Variants in PTPRK observed in about 807,000 individuals in gnomAD.
PTPRK encodes protein tyrosine phosphatase receptor type K, also known as receptor-type tyrosine-protein phosphatase kappa.
PTPRK carries 75 observed loss-of-function variants against 178.0 expected under a neutral mutation model. The ratio of observed to expected loss-of-function variants is 0.42; its 90% CI spans 0.35 to 0.51. The LOEUF is 0.51. Among genes scored for constraint, PTPRK ranks in the 20% least tolerant of loss-of-function variants. The pLI is 0.02. For missense variants in PTPRK, 1,441 were observed against 1,797.8 expected, an observed-to-expected ratio of 0.80 and a Z score of 3.59; for synonymous variants, 637 against 620.6, an observed-to-expected ratio of 1.03 and a Z score of -0.39.
chr6:128,191,069 C>A (rs1222783104), intron 6 of PTPRK, among the ~76,000 whole-genome samples: 2 of 152,104 alleles, frequency 1.3e-5, no homozygotes, highest in African/African-American at 4.8e-5. Context: ...ACACGAGTAA[C>A]TTCTGAGAAC....
chr6:127,998,288 A>G (rs1777399182), intron 16 of PTPRK, among the ~76,000 whole-genome samples: 2 of 152,080 alleles, frequency 1.3e-5, no homozygotes, highest in South Asian at 2.1e-4. Flanking sequence ...TATTTAGAGC[A>G]CAAAGCTTCA....
intron 7 of PTPRK, among the ~76,000 whole-genome samples, chr6:128,147,208 A>G (rs1259362533): frequency 6.6e-6 from 1 of 152,182 alleles, no homozygotes; most frequent in African/African-American, 2.4e-5. Context: ...GATATTGGAA[A>G]CATTTATGAA....
intron 13 of PTPRK, among the ~76,000 whole-genome samples, chr6:128,026,682 C>T (rs2114780650): frequency 6.6e-6 from 1 of 152,222 alleles, no homozygotes; most frequent in South Asian, 2.1e-4. Context: ...GACAAGATTA[C>T]ATCATCTTGA....
intron 1 of PTPRK, among the ~76,000 whole-genome samples, chr6:128,440,541 G>A (rs1161965128): frequency 6.6e-6 from 1 of 152,096 alleles, no homozygotes; most frequent in Admixed American, 6.6e-5. Flanking sequence ...TTCCCATTCT[G>A]CAAGTAACTG....
At chr6:128,079,550 A>G (rs1000644608) in intron 10 of PTPRK, among the ~76,000 whole-genome samples, 1 of 152,042 alleles carries the variant, frequency 6.6e-6, no homozygotes, top group African/African-American at 2.4e-5. Context: ...TTAATTAGGG[A>G]CTAGGATCTT....
rs57385399 is a variant in PTPRK, at chr6:128,360,268, C to G, written c.223+37298G>C. Among the ~76,000 whole-genome samples the G allele has an allele frequency of 5.3e-3, 803 of 151,466 alleles. 7 individuals carry two copies. The highest frequency in any genetic ancestry group is 0.019 in the African/African-American group (778 of 41,370). On this transcript the variant is annotated intron_variant, in intron 2 of 29. Coordinates refer to ENST00000368226, the MANE Select transcript of PTPRK (RefSeq NM_002844.4). ...ACCTGGTCGCTTTAAGTGAGAAAAA[C>G]AAGTAACAGGCCAGAGTACTAAAAC...
chr6:128,383,671 G>A (rs1469992613), intron 2 of PTPRK, among the ~76,000 whole-genome samples: 1 of 152,050 alleles, frequency 6.6e-6, no homozygotes, highest in African/African-American at 2.4e-5. Flanking sequence ...TTTATCATAG[G>A]TCTATGTGCC....
chr6:128,208,840 A>G lies in PTPRK; in HGVS notation c.868+10082T>C, dbSNP rs373126539. Among the ~76,000 whole-genome samples the G allele has an allele frequency of 3.3e-5, 5 of 152,258 alleles. No homozygotes were observed. The East Asian group carries it at 7.7e-4, about 24-fold the overall frequency. ...CTTACCCACATTCCTAAAGATTTTA[A>G]AACTGGATATGTTCCTAGCACCCCA... is the stretch of plus-strand genomic sequence containing the variant. On this transcript the variant is annotated intron_variant, in intron 6 of 29. Transcript: ENST00000368226.
intron 15 of PTPRK, chr6:127,999,862 C>T (rs1332571365): frequency 6.0e-6 from 4 of 664,070 alleles, no homozygotes; most frequent in Non-Finnish European, 7.4e-6. Flanking sequence ...AAAAAGTCAA[C>T]TGAATCCCTG....
intron 11 of PTPRK, 117 bp downstream of exon 11, chr6:128,078,696 A>G (rs1784280245): frequency 1.8e-6 from 1 of 547,190 alleles, no homozygotes; most frequent in Non-Finnish European, 3.1e-6. Context: ...ATATAGAAAA[A>G]AACATAGTAC....
intron 1 of PTPRK, among the ~76,000 whole-genome samples, chr6:128,408,225 T>G (rs539167444): frequency 6.6e-6 from 1 of 151,990 alleles, no homozygotes; most frequent in Admixed American, 6.6e-5. Flanking sequence ...CCATCTCTAC[T>G]AAAAATACAA....
intron 1 of PTPRK, among the ~76,000 whole-genome samples, chr6:128,444,147 A>G (rs12333125): frequency 0.25 from 38,482 of 152,090 alleles, 5,294 homozygotes; most frequent in African/African-American, 0.34. Context: ...CAGCACTCCC[A>G]GCCTTCCTAG....
intron 3 of PTPRK, among the ~76,000 whole-genome samples, chr6:128,268,048 T>C (rs1819226441): frequency 6.6e-6 from 1 of 151,770 alleles, no homozygotes; most frequent in South Asian, 2.1e-4. Flanking sequence ...ACAAGAAAAA[T>C]TATATTATTC....
intron 7 of PTPRK, among the ~76,000 whole-genome samples, chr6:128,125,269 TG>T (rs1380705354): frequency 6.6e-6 from 1 of 152,188 alleles, no homozygotes; most frequent in African/African-American, 2.4e-5. Context: ...GATTGGATCA[TG>T]GTGGTGGTTT....
intron 1 of PTPRK, among the ~76,000 whole-genome samples, chr6:128,454,847 T>C (rs993455179): frequency 1.3e-5 from 2 of 152,136 alleles, no homozygotes; most frequent in Admixed American, 1.3e-4. Flanking sequence ...TTGAAAGCTA[T>C]ATTAACTTGA....
At chr6:128,042,117 G>C (rs6928693) in intron 13 of PTPRK, among the ~76,000 whole-genome samples, 4,658 of 151,832 alleles carry the variant, frequency 0.031, 250 homozygotes, top group African/African-American at 0.11. Flanking sequence ...TTTAACATTC[G>C]TATTTCTAAC....
intron 1 of PTPRK, among the ~76,000 whole-genome samples, chr6:128,490,153 A>AT (rs746475645): frequency 1.3e-4 from 20 of 152,192 alleles, no homozygotes; most frequent in Non-Finnish European, 2.2e-4. Context: ...ACAAAAAAAA[A>AT]TCTTTTCCAA....
chr6:128,120,335 T>C (rs1792256699), intron 7 of PTPRK, among the ~76,000 whole-genome samples: 1 of 151,984 alleles, frequency 6.6e-6, no homozygotes, highest in Non-Finnish European at 1.5e-5. Context: ...TTTTAACAAT[T>C]CTCACCTCAG....
At chr6:127,981,728 G>C (rs911931313) in intron 24 of PTPRK, among the ~76,000 whole-genome samples, 5 of 152,138 alleles carry the variant, frequency 3.3e-5, no homozygotes, top group African/African-American at 1.2e-4. Context: ...CTCTGCCCTT[G>C]ATTTTATTTT....
Sources: gnomAD v4.1 joint callset for allele counts (sites outside exome capture counted in the v4.1 genomes callset) on GRCh38, gnomAD v4.1.1 for gene constraint, MANE v1.5 for transcripts, NCBI Gene and HGNC (gene_info 2026-07-23, HGNC 2026-07-21) for gene names.